GREB1L: variants seen among roughly 807,000 people sequenced by gnomAD.
GREB1L encodes GREB1 like retinoic acid receptor coactivator, also known as GREB1-like protein.
GREB1L carries 17 observed loss-of-function variants against 200.8 expected under a neutral mutation model. The ratio of observed to expected loss-of-function variants is 0.08; its 90% CI spans 0.06 to 0.13. GREB1L has a LOEUF of 0.13. Among genes scored for constraint, GREB1L ranks in the 10% least tolerant of loss-of-function variants. The pLI is 1.00. For missense variants in GREB1L, 1,657 were observed against 2,367.7 expected (o/e 0.70, Z 6.23); for synonymous variants, 789 against 893.0 (o/e 0.88, Z 2.08).
intron 19 of GREB1L, among the ~76,000 whole-genome samples, chr18:21,490,960 G>GACT (rs1298987011): frequency 6.6e-6 from 1 of 152,140 alleles, no homozygotes; most frequent in Non-Finnish European, 1.5e-5. Flanking sequence ...TTTAGTGCAT[G>GACT]ACTGAGTCCC....
intron 1 of GREB1L, among the ~76,000 whole-genome samples, chr18:21,316,118 T>G (rs1045669031): frequency 1.3e-5 from 2 of 152,104 alleles, no homozygotes; most frequent in African/African-American, 4.8e-5. Context: ...TTTTTCTCTG[T>G]GTACCCGCCC....
intron 1 of GREB1L, among the ~76,000 whole-genome samples, chr18:21,344,426 A>ACAACAACAACAT (rs1305893660): frequency 6.6e-6 from 1 of 151,942 alleles, no homozygotes; most frequent in Non-Finnish European, 1.5e-5. Context: ...AACAACAACA[A>ACAACAACAACAT]CAACAACAAC....
In GREB1L at chr18:21,439,606, A is replaced by C. The variant is rs2033778787; in HGVS notation, c.918A>C (p.Ser306=). The change falls in exon 8 of 33, where the codon TCA becomes TCC. Residue 306 remains serine, a synonymous_variant. Coordinates refer to ENST00000424526, the MANE Select transcript of GREB1L (RefSeq NM_001142966.3). The stretch of plus-strand genomic sequence containing the variant: ...CCCACACAGGGAATTACTCTTTGTC[A>C]CCACGACCTAGCTATGCATCAGGAG... The part of the protein sequence containing the change: ...TPAHTGNYSL[S]PRPSYASGDQ... 1 of 1,551,222 alleles carries C rather than the reference A, an allele frequency of 6.4e-7. No individual in the cohort carries two copies. The highest frequency in any genetic ancestry group is 2.4e-5 in the East Asian group (1 of 40,922).
intron 1 of GREB1L, among the ~76,000 whole-genome samples, chr18:21,350,007 T>G (rs948798375): frequency 3.3e-5 from 5 of 152,120 alleles, no homozygotes; most frequent in African/African-American, 1.2e-4. Context: ...TGATGTTGTT[T>G]CTGTTTCTTC....
At chr18:21,516,845 ATTTT>A in intron 30 of GREB1L, 91 bp downstream of exon 30, 6 of 998,762 alleles carry the variant, frequency 6.0e-6, no homozygotes, top group East Asian at 2.9e-5. Flanking sequence ...AGCACTTTCT[ATTTT>A]ATTAGAAAAG....
intron 1 of GREB1L, among the ~76,000 whole-genome samples, chr18:21,245,265 A>C (rs1194818727): frequency 6.6e-6 from 1 of 152,248 alleles, no homozygotes; most frequent in Non-Finnish European, 1.5e-5. Flanking sequence ...TTCTAAAAGC[A>C]CCGCTGATGA....
Position 21,473,113 on chromosome 18 carries a change from G to T in GREB1L, c.2265G>T (p.Glu755Asp), listed in dbSNP as rs1283720702. The T allele has an allele frequency of 2.6e-5, 40 of 1,550,852 alleles. No homozygotes were observed. The highest frequency in any genetic ancestry group is 3.3e-5 in the Non-Finnish European group (38 of 1,146,356). ...AEKYVVRLDN[E>D]IQTKFEVFMR... The stretch of plus-strand genomic sequence containing the variant: ...AATATGTTGTTCGTCTAGACAATGA[G>T]ATTCAAACCAAGTTTGAAGTTTTTA... The change falls in exon 16 of 33, where the codon GAG becomes GAT. Residue 755 changes from glutamate (E) to aspartate (D), a missense_variant. By Grantham distance (45) the Glu-to-Asp change is conservative. Around this residue, in one of 9 missense-constraint regions of GREB1L, gnomAD observed 239 missense variants for 421.8 expected, o/e 0.57. Transcript: ENST00000424526.
Position 21,439,645 on chromosome 18 carries a change from G to A in GREB1L, c.949+8G>A, listed in dbSNP as rs2033781302. The stretch of plus-strand genomic sequence containing the variant: ...ATGCATCAGGAGATCAAGGTACAAT[G>A]CCTGTCGTAGAGTTTTGTAATAATG... On this transcript the variant is annotated splice_region_variant and intron_variant, in intron 8 of 32. Transcript: ENST00000424526. The A allele has an allele frequency of 4.7e-6, 7 of 1,485,162 alleles. No individual in the cohort carries two copies. The highest frequency in any genetic ancestry group is 5.5e-6 in the Non-Finnish European group (6 of 1,085,568). The allele number at this position is 1,485,162 out of a possible 1,614,324, so 92.0% of individuals were successfully genotyped here. A position where few individuals can be genotyped will look rare whatever the true frequency, so the allele number is the denominator to read the frequency against.
At chr18:21,293,308 T>TA (rs2038478981) in intron 1 of GREB1L, among the ~76,000 whole-genome samples, 1 of 152,142 alleles carries the variant, frequency 6.6e-6, no homozygotes, top group Admixed American at 6.5e-5. Flanking sequence ...GTGAGGCAAA[T>TA]AAAATACAGC....
chr18:21,309,394 G>A (rs948663278), intron 1 of GREB1L, among the ~76,000 whole-genome samples: 32 of 152,170 alleles, frequency 2.1e-4, no homozygotes, highest in Admixed American at 2.1e-3. Context: ...GCCCAGTTGG[G>A]AAGGCCTCAC....
intron 1 of GREB1L, among the ~76,000 whole-genome samples, chr18:21,310,306 A>G (rs1210356631): frequency 1.3e-5 from 2 of 152,224 alleles, no homozygotes; most frequent in Admixed American, 6.5e-5. Context: ...AGACTCATCA[A>G]GTGCTGTAAT....
chr18:21,376,426 GAAA>G (rs568483529), intron 2 of GREB1L, among the ~76,000 whole-genome samples: 3 of 99,516 alleles, frequency 3.0e-5, no homozygotes, highest in Admixed American at 2.1e-4. Context: ...CTATTTTTAA[GAAA>G]AAAAAAAAAA....
At chr18:21,347,253 T>C (rs2039360262) in intron 1 of GREB1L, among the ~76,000 whole-genome samples, 1 of 150,326 alleles carries the variant, frequency 6.7e-6, no homozygotes, top group Non-Finnish European at 1.5e-5. Context: ...CACTCCAGCC[T>C]GAGCAACAGA....
At chr18:21,246,175 C>G (rs894016624) in intron 1 of GREB1L, among the ~76,000 whole-genome samples, 1 of 148,866 alleles carries the variant, frequency 6.7e-6, no homozygotes, top group African/African-American at 2.6e-5. Flanking sequence ...AAACCTAGCT[C>G]TAGTACTCAT....
intron 7 of GREB1L, among the ~76,000 whole-genome samples, chr18:21,426,268 A>T (rs1477436083): frequency 6.6e-6 from 1 of 151,994 alleles, no homozygotes; most frequent in Non-Finnish European, 1.5e-5. Context: ...CATGTTAACC[A>T]GGCTGGTCTC....
chr18:21,364,059 T>C (rs982239035), intron 1 of GREB1L, among the ~76,000 whole-genome samples: 13 of 152,212 alleles, frequency 8.5e-5, no homozygotes, highest in African/African-American at 3.1e-4. Flanking sequence ...TTTCTTTTTT[T>C]CTTTCCTTCC....
chr18:21,497,858 G>T (rs1483477755), intron 21 of GREB1L, among the ~76,000 whole-genome samples: 1 of 105,572 alleles, frequency 9.5e-6, no homozygotes, highest in Non-Finnish European at 1.7e-5. Context: ...TTTCGCTCTT[G>T]TCCCCCAGGC....
chr18:21,411,861 C>T (rs560080961), intron 7 of GREB1L, among the ~76,000 whole-genome samples: 6 of 150,540 alleles, frequency 4.0e-5, no homozygotes, highest in African/African-American at 9.8e-5. Flanking sequence ...CTGGCTAACA[C>T]GGTGAAACCC....
At chr18:21,302,306 C>T (rs2038629888) in intron 1 of GREB1L, among the ~76,000 whole-genome samples, 1 of 152,144 alleles carries the variant, frequency 6.6e-6, no homozygotes, top group African/African-American at 2.4e-5. Flanking sequence ...GTTCCACATT[C>T]AGAGGATTTT....
Sources: gnomAD v4.1 joint callset for allele counts (sites outside exome capture counted in the v4.1 genomes callset) on GRCh38, gnomAD v4.1.1 for gene constraint, gnomAD v4.1.1 regional missense constraint, MANE v1.5 for transcripts, NCBI Gene and HGNC (gene_info 2026-07-23, HGNC 2026-07-21) for gene names.